Variants in RAPH1 observed in about 807,000 individuals in gnomAD.
RAPH1 encodes the protein Ras association (RalGDS/AF-6) and pleckstrin homology domains 1.
RAPH1 carries 18 observed loss-of-function variants against 88.1 expected under a neutral mutation model. That is an observed-to-expected ratio of 0.20 (90% CI 0.14 to 0.30). The LOEUF is 0.30. RAPH1 is among the 10% of genes least tolerant of loss of function. The pLI is 1.00. For missense variants in RAPH1, 1,448 were observed against 1,543.2 expected (o/e 0.94, Z 1.03); for synonymous variants, 587 against 559.0 (o/e 1.05, Z -0.71).
intron 1 of RAPH1, among the ~76,000 whole-genome samples, chr2:203,502,918 C>G (rs1017504949): frequency 6.6e-6 from 1 of 151,860 alleles, no homozygotes; most frequent in Non-Finnish European, 1.5e-5. Flanking sequence ...CCGAGGCAGG[C>G]GGATCACCTT....
chr2:203,483,956 G>C (rs1270995993), intron 4 of RAPH1, among the ~76,000 whole-genome samples: 1 of 152,038 alleles, frequency 6.6e-6, no homozygotes, highest in Non-Finnish European at 1.5e-5. Context: ...TTTTGACTTG[G>C]ACTAAGTCAC....
intron 1 of RAPH1, among the ~76,000 whole-genome samples, chr2:203,516,849 C>T (rs541779489): frequency 2.0e-5 from 3 of 152,048 alleles, no homozygotes; most frequent in East Asian, 3.9e-4. Context: ...CTGGCTAACA[C>T]GGTGACACCC....
In RAPH1 at chr2:203,441,249, GGGA is replaced by G. The variant is rs1398537216; in HGVS notation, c.1938_1940del (p.Pro648del). ...AAGGTGCAGACTGGCTGGGGAGTGG[GGGA>G]GGAGGGGGTGGTGGAGGGGGTGGTG... On this transcript the variant is annotated inframe_deletion, in exon 14 of 14. Transcript: ENST00000319170. The G allele has an allele frequency of 1.4e-6, 2 of 1,396,714 alleles. No individual in the cohort carries two copies. Among genetic ancestry groups the G allele is most frequent in the Admixed American group, 2.0e-5 (1 of 50,376 alleles). 86.5% of individuals were successfully genotyped at this position (1,396,714 alleles called of 1,614,324 possible).
intron 1 of RAPH1, among the ~76,000 whole-genome samples, chr2:203,523,532 G>A (rs775092813): frequency 6.6e-6 from 1 of 151,876 alleles, no homozygotes; most frequent in Non-Finnish European, 1.5e-5. Flanking sequence ...AAAATGGATT[G>A]TAGACTAAAA....
chr2:203,445,878 A>T (rs996455162), intron 12 of RAPH1: 2 of 152,212 alleles, frequency 1.3e-5, no homozygotes, highest in African/African-American at 2.4e-5. Context: ...ATATTAGAAC[A>T]GTTTTAGCAC....
chr2:203,522,101 T>G (rs1275404374), intron 1 of RAPH1, among the ~76,000 whole-genome samples: 2 of 152,214 alleles, frequency 1.3e-5, no homozygotes, highest in East Asian at 3.8e-4. Flanking sequence ...CTTTAAATAT[T>G]AATATCCAAA....
Position 203,448,060 on chromosome 2 carries a change from A to G in RAPH1, c.1532T>C (p.Met511Thr). 6.2e-7 allele frequency: 1 copy of G among 1,613,878 alleles called. No individual in the cohort carries two copies. ...RIAKYGKQLY[M>T]NYQEALKRTE... ...CCTCTTCAAGGCTTCTTGGTAGTTC[A>G]TATAGAGCTGCTTCCCATACTAAAG... Residue 511 changes from methionine to threonine, a missense_variant, in exon 12 of 14, where the codon ATG becomes ACG. Around this residue, in one of 2 missense-constraint regions of RAPH1, gnomAD observed 513 missense variants for 653.1 expected, o/e 0.79. Transcript: ENST00000319170. The surrounding 1 kb of genome is among the most constrained non-coding windows in gnomAD (Gnocchi z 4.1).
Position 203,441,276 on chromosome 2 carries a change from T to A in RAPH1, c.1914A>T (p.Pro638=). ...GAGGAGGGGGTGGTGGAGGGGGTGG[T>A]GGAGGAGGAGGTGGGGGTGGCGGAG... ...LPPPPPPPPP[P]PPPPPPPPPP... Residue 638 remains proline, a synonymous_variant, in exon 14 of 14, where the codon CCA becomes CCT. Transcript: ENST00000319170. The A allele has an allele frequency of 1.8e-5, 4 of 223,606 alleles. No homozygotes were observed. Among genetic ancestry groups the A allele is most frequent in the Non-Finnish European group, 2.5e-5 (4 of 157,288 alleles). 13.9% of individuals were successfully genotyped at this position (223,606 alleles called of 1,614,324 possible). A position where few individuals can be genotyped will look rare whatever the true frequency, so the allele number is the denominator to read the frequency against.
At chr2:203,449,420 CA>C (rs926932855) in intron 10 of RAPH1, among the ~76,000 whole-genome samples, 23 of 152,208 alleles carry the variant, frequency 1.5e-4, no homozygotes, top group African/African-American at 5.5e-4. Context: ...CACTTGCCTC[CA>C]GGGGACACAT....
At position 203,495,260 on chromosome 2, in the gene RAPH1, G is replaced by A; in HGVS notation, c.94C>T (p.Leu32Phe). 6.2e-7 allele frequency: 1 copy of A among 1,613,992 alleles called. No homozygotes were observed. The highest frequency in any genetic ancestry group is 8.5e-7 in the Non-Finnish European group (1 of 1,179,994). Residue 32 changes from leucine (L) to phenylalanine (F), a missense_variant, in exon 2 of 14, where the codon CTT becomes TTT. Physicochemically the swap from Leu to Phe is conservative, Grantham distance 22 (BLOSUM62 0). Transcript: ENST00000319170. Reference sequence around the variant, plus strand: ...TGAGTGAGTTTGTCTAGTTCTCCAAGCCAGGCTCCAAACATTTTGTCCAGG... The same window carrying A: ...TGAGTGAGTTTGTCTAGTTCTCCAAACCAGGCTCCAAACATTTTGTCCAGG... ...QDLDKMFGAWLGELDKLTQSL... is the reference protein window; with the variant it reads ...QDLDKMFGAWFGELDKLTQSL...
intron 1 of RAPH1, among the ~76,000 whole-genome samples, chr2:203,518,141 A>T (rs547534683): frequency 6.6e-6 from 1 of 152,352 alleles, no homozygotes; most frequent in African/African-American, 2.4e-5. Flanking sequence ...CTAAGAAAAA[A>T]AAGAGAACAC....
chr2:203,478,485 GT>G (rs145000897), intron 4 of RAPH1, among the ~76,000 whole-genome samples: 2 of 149,580 alleles, frequency 1.3e-5, no homozygotes, highest in African/African-American at 2.5e-5. Context: ...ATCATTTTTT[GT>G]TTTTTTTTGT....
chr2:203,496,305 C>T (rs2105857803), intron 1 of RAPH1, among the ~76,000 whole-genome samples: 1 of 152,220 alleles, frequency 6.6e-6, no homozygotes, highest in South Asian at 2.1e-4. Context: ...TTGCAGAGAG[C>T]CGAGAACATG....
chr2:203,473,973 G>A (rs989901147), intron 4 of RAPH1, among the ~76,000 whole-genome samples: 4 of 152,184 alleles, frequency 2.6e-5, no homozygotes, highest in Non-Finnish European at 4.4e-5. Flanking sequence ...TTGCCTCACA[G>A]AATGTAGTCT....
At chr2:203,506,874 ATATATAGATATATATATATATATATT>A (rs1689099712) in intron 1 of RAPH1, among the ~76,000 whole-genome samples, 1 of 96,622 alleles carries the variant, frequency 1.0e-5, no homozygotes, top group Non-Finnish European at 2.0e-5. Flanking sequence ...ATATATATAT[ATATATAGATATATATATATATATATT>A]TTTTTTTTTT....
At chr2:203,484,259 A>G (rs979768046) in intron 4 of RAPH1, among the ~76,000 whole-genome samples, 1 of 152,202 alleles carries the variant, frequency 6.6e-6, no homozygotes, top group Non-Finnish European at 1.5e-5. Context: ...AACTTTCAAC[A>G]GAAGGACTTC....
Position 203,444,865 on chromosome 2 carries a change from T to TA in RAPH1, c.1776+2dup, listed in dbSNP as rs754443573. The TA allele has an allele frequency of 6.2e-7, 1 of 1,611,898 alleles. No individual in the cohort carries two copies. Among genetic ancestry groups the TA allele is most frequent in the Non-Finnish European group, 8.5e-7 (1 of 1,179,438 alleles). ...TCAATGTAAATTAAAACGAAGCTGT[T>TA]ACCTTGCTGGACTCTTCCAACTGAG... On this transcript the variant is annotated splice_region_variant and intron_variant, in intron 13 of 13. Transcript: ENST00000319170.
intron 7 of RAPH1, among the ~76,000 whole-genome samples, chr2:203,458,770 C>CT (rs34230185): frequency 0.11 from 15,491 of 146,364 alleles, 1,594 homozygotes; most frequent in African/African-American, 0.27. Context: ...TTCTTTTTCT[C>CT]TTTTTTTTTT....
chr2:203,477,665 T>C (rs1331664244), intron 4 of RAPH1, among the ~76,000 whole-genome samples: 1 of 152,204 alleles, frequency 6.6e-6, no homozygotes, highest in Non-Finnish European at 1.5e-5. Flanking sequence ...ATTATACCCA[T>C]ATTTTTATCC....
Sources: allele counts gnomAD v4.1 joint callset (sites outside exome capture counted in the v4.1 genomes callset), GRCh38; gene constraint gnomAD v4.1.1; regional missense constraint gnomAD v4.1.1; non-coding constraint Gnocchi (gnomAD v3.1); transcripts MANE v1.5; gene names NCBI Gene and HGNC (gene_info 2026-07-23, HGNC 2026-07-21).